Variants in FRMD6 observed in about 807,000 individuals in gnomAD.
The protein encoded by FRMD6 is FERM domain-containing protein 6.
A neutral mutation model predicts 73.2 loss-of-function variants in FRMD6; 37 were observed. The ratio of observed to expected loss-of-function variants is 0.51; its 90% CI spans 0.39 to 0.66. FRMD6 has a LOEUF of 0.66. Ranked by LOEUF, FRMD6 falls within the 30% of genes least tolerant of loss-of-function variation. FRMD6 has a pLI of 0.00. For missense variants in FRMD6, 714 were observed against 780.5 expected, an observed-to-expected ratio of 0.91 and a Z score of 1.02; for synonymous variants, 273 against 282.2, an observed-to-expected ratio of 0.97 and a Z score of 0.33.
intron 2 of FRMD6, among the ~76,000 whole-genome samples, chr14:51,614,839 TA>T (rs1409665619): frequency 1.3e-5 from 2 of 152,224 alleles, no homozygotes; most frequent in African/African-American, 4.8e-5. Flanking sequence ...GCCATCAGCA[TA>T]CTTCCAATGC....
Position 51,727,749 on chromosome 14 carries a change from T to A in FRMD6, c.1589T>A (p.Ile530Lys). The A allele has an allele frequency of 3.1e-6, 5 of 1,596,350 alleles. No homozygotes were observed. The highest frequency in any genetic ancestry group is 4.3e-6 in the Non-Finnish European group (5 of 1,165,436). Reference sequence around the variant, plus strand: ...CATCCTTCCCTTATCTTGCAGACTATATGTCGGAAACCAAAGACCTCCACT... The same window carrying A: ...CATCCTTCCCTTATCTTGCAGACTAAATGTCGGAAACCAAAGACCTCCACT... Reference protein sequence around the residue: ...GQSTDSLPQTICRKPKTSTDR... With the variant: ...GQSTDSLPQTKCRKPKTSTDR... Residue 530 changes from isoleucine to lysine, a missense_variant, in exon 14 of 14, where the codon ATA becomes AAA. Ile to Lys is a moderately radical substitution (Grantham distance 102). Coordinates refer to ENST00000344768, the MANE Select transcript of FRMD6 (RefSeq NM_001267046.2).
intron 2 of FRMD6, among the ~76,000 whole-genome samples, chr14:51,639,377 G>A (rs545151416): frequency 6.6e-6 from 1 of 152,024 alleles, no homozygotes; most frequent in South Asian, 2.1e-4. Context: ...GGAGCTTGCA[G>A]CGAGCTGAGA....
At chr14:51,706,257 C>T (rs1440188715) in intron 6 of FRMD6, among the ~76,000 whole-genome samples, 8 of 152,084 alleles carry the variant, frequency 5.3e-5, no homozygotes, top group African/African-American at 1.9e-4. Flanking sequence ...TCCTAAATGT[C>T]CATTGCCTCC....
chr14:51,611,441 T>G (rs1890495116), intron 2 of FRMD6, among the ~76,000 whole-genome samples: 1 of 152,198 alleles, frequency 6.6e-6, no homozygotes, highest in Non-Finnish European at 1.5e-5. Flanking sequence ...GACTGATGCA[T>G]GGGTCCCACC....
chr14:51,712,646 G>T, intron 9 of FRMD6, 95 bp downstream of exon 9: 2 of 776,668 alleles, frequency 2.6e-6, no homozygotes, highest in Non-Finnish European at 2.2e-6. Flanking sequence ...AAACAATATT[G>T]TCTCAGGCAC....
chr14:51,561,478 G>A (rs2064923), intron 1 of FRMD6, among the ~76,000 whole-genome samples: 14,832 of 152,234 alleles, frequency 0.097, 789 homozygotes, highest in African/African-American at 0.12. Flanking sequence ...GGGAGCAGCC[G>A]GGGAAGTATC....
At chr14:51,697,838 A>G (rs1896048425) in intron 2 of FRMD6, 1 of 215,752 alleles carries the variant, frequency 4.6e-6, no homozygotes, top group Non-Finnish European at 9.3e-6. Flanking sequence ...TGAGTAGGCT[A>G]TGCTGCTTAC....
At chr14:51,506,386 C>T (rs1325042743) in intron 1 of FRMD6, among the ~76,000 whole-genome samples, 3 of 152,188 alleles carry the variant, frequency 2.0e-5, no homozygotes, top group South Asian at 2.1e-4. Flanking sequence ...TTAATGTTTA[C>T]TATTAAATGA....
chr14:51,532,765 A>G (rs979127391), intron 1 of FRMD6, among the ~76,000 whole-genome samples: 25 of 152,152 alleles, frequency 1.6e-4, no homozygotes, highest in African/African-American at 1.2e-4. Flanking sequence ...TTTCAGAATC[A>G]TTTTTCTCTT....
chr14:51,506,924 A>G (rs568161202), intron 1 of FRMD6, among the ~76,000 whole-genome samples: 4 of 152,332 alleles, frequency 2.6e-5, no homozygotes, highest in African/African-American at 9.6e-5. Flanking sequence ...AGCTGGTTAT[A>G]AAAATGTGCA....
rs1359173076 is a variant in FRMD6, at chr14:51,609,947, C to G, written c.-147+39537C>G. 2.0e-5 allele frequency among the ~76,000 whole-genome samples: 3 copies of G among 152,182 alleles called. No homozygotes were observed. The South Asian group carries it at 6.2e-4, about 32-fold the overall frequency. On this transcript the variant is annotated intron_variant, in intron 2 of 14. Coordinates refer to the FRMD6 transcript ENST00000356218. ...TGCTCTGCTCAGTCAGCAGAGAAAC[C>G]TCTGAAAGTTTTTAAGCAGGAATAT... is the stretch of plus-strand genomic sequence containing the variant.
intron 1 of FRMD6, among the ~76,000 whole-genome samples, chr14:51,524,989 C>A (rs907165004): frequency 9.2e-6 from 1 of 108,636 alleles, no homozygotes; most frequent in African/African-American, 3.6e-5. Flanking sequence ...TATTAAAAAA[C>A]ACACAATCCA....
chr14:51,488,344 A>C (rs1161164755), upstream of FRMD6, among the ~76,000 whole-genome samples: 1 of 152,246 alleles, frequency 6.6e-6, no homozygotes, highest in South Asian at 2.1e-4. Context: ...TGATACAAAA[A>C]CAAGATGGAA....
chr14:51,556,486 C>T (rs1235966149), intron 1 of FRMD6, among the ~76,000 whole-genome samples: 2 of 152,132 alleles, frequency 1.3e-5, no homozygotes, highest in Admixed American at 6.5e-5. Context: ...TCTGTGGTGA[C>T]ATTTACTTAA....
chr14:51,582,444 A>G (rs1596651863), intron 2 of FRMD6, among the ~76,000 whole-genome samples: 1 of 152,260 alleles, frequency 6.6e-6, no homozygotes, highest in South Asian at 2.1e-4. Context: ...CTGTATTTTC[A>G]CCTCAAGTAT....
intron 1 of FRMD6, among the ~76,000 whole-genome samples, chr14:51,561,710 T>C (rs771882725): frequency 7.7e-4 from 117 of 152,184 alleles, no homozygotes; most frequent in Non-Finnish European, 1.5e-3. Context: ...CCAGCAGAGA[T>C]TTCCATGTTA....
At chr14:51,715,602 C>G (rs1223392924) in intron 10 of FRMD6, 103 bp downstream of exon 10, 1 of 897,276 alleles carries the variant, frequency 1.1e-6, no homozygotes, top group Non-Finnish European at 1.7e-6. Context: ...GATTTTGGGA[C>G]TGGGACACTC....
intron 2 of FRMD6, chr14:51,637,756 G>A (rs1259483923): frequency 6.6e-6 from 1 of 151,942 alleles, no homozygotes; most frequent in African/African-American, 2.4e-5. Flanking sequence ...ACAAACAGTA[G>A]GGGCAAAAAA....
At chr14:51,453,192 G>A in the FRMD6 span, among the ~76,000 whole-genome samples, 1 of 152,124 alleles carries the variant, frequency 6.6e-6, no homozygotes, top group Admixed American at 6.5e-5. Context: ...CCCAAGAGAG[G>A]TGATTAATGC....
Sources: allele counts gnomAD v4.1 joint callset (sites outside exome capture counted in the v4.1 genomes callset), GRCh38; gene constraint gnomAD v4.1.1; transcripts MANE v1.5; gene names NCBI Gene and HGNC (gene_info 2026-07-23, HGNC 2026-07-21).